The following KMT2C variants were observed in gnomAD, a reference collection of about 807,000 sequenced individuals.
The protein encoded by KMT2C is lysine methyltransferase 2C, also known as histone-lysine N-methyltransferase 2C.
In KMT2C, 88 loss-of-function variants were observed where a neutral mutation model predicts 507.9. The ratio of observed to expected loss-of-function variants is 0.17; its 90% CI spans 0.15 to 0.21. KMT2C has a LOEUF of 0.21. Among genes scored for constraint, KMT2C ranks in the 10% least tolerant of loss-of-function variants. The pLI, the probability that KMT2C is intolerant of heterozygous loss-of-function variation, is 1.00. For synonymous variants in KMT2C, 2,049 were observed against 2,080.8 expected, an observed-to-expected ratio of 0.98 and a Z score of 0.42; for missense variants, 4,954 against 5,957.8, an observed-to-expected ratio of 0.83 and a Z score of 5.55.
Position 152,247,920 on chromosome 7 carries a change from A to G in KMT2C, c.2514T>C (p.Gly838=), listed in dbSNP as rs1316899199. Residue 838 remains glycine, a synonymous_variant, in exon 14 of 59, where the codon GGT becomes GGC. Transcript: ENST00000262189. The stretch of plus-strand genomic sequence containing the variant: ...ACCCTACCTGTTTGGACCGAGGTCT[A>G]CCAGGAGAAAATTTTCTCTTAGTAA... ...PAITKRKFSP[G]RPRSKQGAWS... is the part of the protein sequence containing the mutation. 1.2e-6 allele frequency: 2 copies of G among 1,614,052 alleles called. No homozygotes were observed.
intron 43 of KMT2C, among the ~76,000 whole-genome samples, chr7:152,159,840 G>A (rs2092337394): frequency 1.3e-5 from 2 of 152,140 alleles, no homozygotes; most frequent in African/African-American, 2.4e-5. Flanking sequence ...TGCTATAGAC[G>A]ATTATAGTAG....
chr7:152,146,829 T>A, intron 52 of KMT2C, 94 bp from the exon 53 acceptor site: 1 of 1,098,752 alleles, frequency 9.1e-7, no homozygotes, highest in Non-Finnish European at 1.3e-6. Context: ...AAGGATTTAC[T>A]AATTTCCAAA....
intron 6 of KMT2C, among the ~76,000 whole-genome samples, chr7:152,291,917 T>C (rs2096432863): frequency 6.6e-6 from 1 of 152,230 alleles, no homozygotes; most frequent in South Asian, 2.1e-4. Context: ...CTGTTGGTAA[T>C]GGTTTTCCTT....
intron 6 of KMT2C, among the ~76,000 whole-genome samples, chr7:152,297,858 C>G (rs569524065): frequency 1.0e-3 from 156 of 152,090 alleles, no homozygotes; most frequent in African/African-American, 3.5e-3. Context: ...CAAAACTGAC[C>G]CAGAACTTAA....
At chr7:152,196,875 C>T (rs771170582) in intron 27 of KMT2C, among the ~76,000 whole-genome samples, 3 of 151,924 alleles carry the variant, frequency 2.0e-5, no homozygotes, top group Non-Finnish European at 4.4e-5. Flanking sequence ...GGTTTGCCAA[C>T]GAGAGGCCAG....
intron 3 of KMT2C, among the ~76,000 whole-genome samples, chr7:152,317,838 T>A (rs2096734781): frequency 6.6e-6 from 1 of 152,126 alleles, no homozygotes; most frequent in South Asian, 2.1e-4. Flanking sequence ...AGACCCTGCC[T>A]GTATTTTAAA....
rs2092769706 is a variant in KMT2C, at chr7:152,167,194, G to T, written c.9702C>A (p.Leu3234=). 1 of 1,614,118 alleles carries T rather than the reference G, an allele frequency of 6.2e-7. No homozygotes were observed. Among genetic ancestry groups the T allele is most frequent in the African/African-American group, 1.3e-5 (1 of 75,032 alleles). ...TGCTTTGCTGTTCAGTAACATGCTT[G>T]AGTTGTTCTGCATCTTCCTCTGGAA... is the stretch of plus-strand genomic sequence containing the variant. ...REFPEEDAEQ[L]KHVTEQQSMV... is the part of the protein sequence containing the mutation. The change falls in exon 42 of 59, where the codon CTC becomes CTA. Residue 3234 remains leucine, a synonymous_variant. Coordinates refer to ENST00000262189, the MANE Select transcript of KMT2C (RefSeq NM_170606.3).
At chr7:152,336,850 T>C (rs2096940129) in intron 2 of KMT2C, among the ~76,000 whole-genome samples, 1 of 152,194 alleles carries the variant, frequency 6.6e-6, no homozygotes, top group Admixed American at 6.5e-5. Context: ...CAATGACACT[T>C]GGTCACAAAA....
chr7:152,330,583 C>T lies in KMT2C; in HGVS notation c.389+18G>A. 1 of 1,611,950 alleles carries T rather than the reference C, an allele frequency of 6.2e-7. No individual in the cohort carries two copies. The highest frequency in any genetic ancestry group is 1.7e-5 in the Admixed American group (1 of 59,996). On this transcript the variant is annotated intron_variant, in intron 3 of 58. Coordinates refer to ENST00000262189, the MANE Select transcript of KMT2C (RefSeq NM_170606.3). ...TTCCTGTCACTAATATCCAATCCAGCTGCATTCATTCTCTAACCTGATTTT... is the reference window on the plus strand; with the variant it reads ...TTCCTGTCACTAATATCCAATCCAGTTGCATTCATTCTCTAACCTGATTTT...
intron 14 of KMT2C, among the ~76,000 whole-genome samples, chr7:152,241,695 A>G (rs1331826755): frequency 6.6e-6 from 1 of 152,112 alleles, no homozygotes; most frequent in East Asian, 1.9e-4. Flanking sequence ...ACTTCTCTCA[A>G]TATTTCCATT....
rs1394924048 is a variant in KMT2C at position 152,152,008 on chromosome 7, A to G, written c.12527-427T>C. ...GACTTGCAGAGTCAGAAATGAGGAA[A>G]GAGCCAAGGCCAAGGATAAGAAGGT... On this transcript the variant is annotated intron_variant, in intron 49 of 58. Transcript: ENST00000262189. Among the ~76,000 whole-genome samples, 4 of 152,362 alleles carry G rather than the reference A, an allele frequency of 2.6e-5. No homozygotes were observed. In the East Asian group the frequency reaches 7.7e-4, roughly 29 times the overall value.
chr7:152,428,458 CAAAA>C (rs140697569), intron 1 of KMT2C, among the ~76,000 whole-genome samples: 2,350 of 73,524 alleles, frequency 0.032, 58 homozygotes, highest in African/African-American at 0.1. Flanking sequence ...ACTAAAAATA[CAAAA>C]AAAAAAAAAA....
rs2129092937 is a variant in KMT2C at position 152,144,900 on chromosome 7, C to A, written c.14175-19G>T. 1 of 1,589,602 alleles carries A rather than the reference C, an allele frequency of 6.3e-7. No individual in the cohort carries two copies. The highest frequency in any genetic ancestry group is 8.6e-7 in the Non-Finnish European group (1 of 1,165,096). On this transcript the variant is annotated intron_variant, in intron 54 of 58. Coordinates refer to ENST00000262189, the MANE Select transcript of KMT2C (RefSeq NM_170606.3). The surrounding 1 kb of genome is among the most constrained non-coding windows in gnomAD (Gnocchi z 4.4). The stretch of plus-strand genomic sequence containing the variant: ...GTGAGGCCTGCAGACAATGGCATAT[C>A]AACAGGAAAAAAATACAAGGAAAAC...
chr7:152,373,626 C>CT (rs779401802), intron 1 of KMT2C, among the ~76,000 whole-genome samples: 6 of 152,182 alleles, frequency 3.9e-5, no homozygotes, highest in Non-Finnish European at 8.8e-5. Flanking sequence ...CAGAAAATAT[C>CT]ACTAATGTCT....
chr7:152,358,949 T>C (rs1393871114), intron 1 of KMT2C, among the ~76,000 whole-genome samples: 1 of 152,110 alleles, frequency 6.6e-6, no homozygotes, highest in Non-Finnish European at 1.5e-5. Context: ...CACTCTGGTT[T>C]TGCCCCTTTT....
intron 1 of KMT2C, chr7:152,368,387 A>G: frequency 1.8e-6 from 2 of 1,100,210 alleles, no homozygotes; most frequent in South Asian, 1.3e-5. Context: ...AGAAGGGAGT[A>G]TGCAGCTAAA....
chr7:152,337,517 AG>A (rs1470887990), intron 2 of KMT2C, among the ~76,000 whole-genome samples: 1 of 152,194 alleles, frequency 6.6e-6, no homozygotes, highest in Non-Finnish European at 1.5e-5. Context: ...GACATGAGAA[AG>A]TTTAATAGCA....
At chr7:152,179,716 C>T (rs1468415795) in intron 37 of KMT2C, 118 bp downstream of exon 37, 3 of 891,912 alleles carry the variant, frequency 3.4e-6, no homozygotes, top group South Asian at 1.5e-5. Context: ...AACTCCTAGC[C>T]TCAAGCAATC....
At chr7:152,417,092 A>G (rs1197649509) in intron 1 of KMT2C, among the ~76,000 whole-genome samples, 3 of 151,954 alleles carry the variant, frequency 2.0e-5, no homozygotes, top group Non-Finnish European at 1.5e-5. Context: ...TCTCAAAAAA[A>G]GAGTTTATAT....
Sources: allele counts gnomAD v4.1 joint callset (sites outside exome capture counted in the v4.1 genomes callset), GRCh38; gene constraint gnomAD v4.1.1; non-coding constraint Gnocchi (gnomAD v3.1); transcripts MANE v1.5; gene names NCBI Gene and HGNC (gene_info 2026-07-23, HGNC 2026-07-21).